The following CRMP1 variants were observed in gnomAD, a reference collection of about 807,000 sequenced individuals.
CRMP1 encodes the protein collapsin response mediator protein 1.
A neutral mutation model predicts 68.3 loss-of-function variants in CRMP1; 19 were observed. The ratio of observed to expected loss-of-function variants is 0.28; its 90% CI spans 0.19 to 0.41. The LOEUF is 0.41. Ranked by LOEUF, CRMP1 falls within the 10% of genes least tolerant of loss-of-function variation. The pLI, the probability that CRMP1 is intolerant of heterozygous loss-of-function variation, is 1.00. For synonymous variants in CRMP1, 439 were observed against 399.6 expected (o/e 1.10, Z -1.18); for missense variants, 791 against 967.4 (o/e 0.82, Z 2.42).
At position 5,892,103 on chromosome 4, in the gene CRMP1, C is replaced by T. The variant is rs1016337306; in HGVS notation, c.381+486G>A. On this transcript the variant is annotated intron_variant, in intron 1 of 13. Transcript: ENST00000324989. The surrounding 1 kb of genome is among the most constrained non-coding windows in gnomAD (Gnocchi z 8.6). Reference sequence around the variant, plus strand: ...TCCTTCCAGCTTTAAGCTGTGTGGCCGCAGGCGACTCGCGGAACCTCTCCC... The same window carrying T: ...TCCTTCCAGCTTTAAGCTGTGTGGCTGCAGGCGACTCGCGGAACCTCTCCC... Among the ~76,000 whole-genome samples, 5 of 152,208 alleles carry T rather than the reference C, an allele frequency of 3.3e-5. No homozygotes were observed. The highest frequency in any genetic ancestry group is 7.2e-5 in the African/African-American group (3 of 41,456).
In CRMP1 at chr4:5,892,861, C is replaced by T. The variant is rs1187677059; in HGVS notation, c.109G>A (p.Ala37Thr). Residue 37 changes from alanine to threonine, a missense_variant, in exon 1 of 14, where the codon GCC becomes ACC. Physicochemically the swap from Ala to Thr is moderately conservative, Grantham distance 58. Coordinates refer to ENST00000324989, the MANE Select transcript of CRMP1 (RefSeq NM_001014809.3). This position sits in a 1 kb window ranked among gnomAD's most constrained non-coding sequence, Gnocchi z 8.6. Reference sequence around the variant, plus strand: ...TTCTCGTAGGCGCCCTCCACCGCGGCGAACATGCCGCCGTACTTCTGGCGC... The same window carrying T: ...TTCTCGTAGGCGCCCTCCACCGCGGTGAACATGCCGCCGTACTTCTGGCGC... ...TPRQKYGGMF[A>T]AVEGAYENKT... is the part of the protein sequence containing the mutation. 7.1e-6 allele frequency: 10 copies of T among 1,416,412 alleles called. No homozygotes were observed. Among genetic ancestry groups the T allele is most frequent in the Non-Finnish European group, 7.4e-6 (8 of 1,074,278 alleles). The allele number at this position is 1,416,412 out of a possible 1,614,324, so 87.7% of individuals were successfully genotyped here.
Position 5,892,791 on chromosome 4 carries a change from G to T in CRMP1, c.179C>A (p.Ser60Ter). 7.6e-7 allele frequency: 1 copy of T among 1,320,332 alleles called. No homozygotes were observed. The allele number at this position is 1,320,332 out of a possible 1,614,324, so 81.8% of individuals were successfully genotyped here. The part of the protein sequence containing the change: ...FDAYSVGRRG[S>*]ARTPRSAGRP... Reference sequence around the variant, plus strand: ...GCCAGCGCTGCGCGGCGTGCGCGCCGAGCCGCGGCGGCCCACACTGTAGGC... The same window carrying T: ...GCCAGCGCTGCGCGGCGTGCGCGCCTAGCCGCGGCGGCCCACACTGTAGGC... The change falls in exon 1 of 14, where the codon TCG becomes TAG. Residue 60 changes from serine to a stop codon, truncating the protein, a stop_gained. Coordinates refer to ENST00000324989, the MANE Select transcript of CRMP1 (RefSeq NM_001014809.3). LOFTEE classifies it high-confidence loss of function. The surrounding 1 kb of genome is among the most constrained non-coding windows in gnomAD (Gnocchi z 8.6).
intron 6 of CRMP1, among the ~76,000 whole-genome samples, chr4:5,846,757 A>ATTTTT (rs71171490): frequency 7.4e-5 from 4 of 53,742 alleles, no homozygotes; most frequent in African/African-American, 4.4e-4. Context: ...TGCCCGGCTA[A>ATTTTT]TTTTTTTTTT....
At chr4:5,871,426 T>C (rs563392411) in intron 1 of CRMP1, among the ~76,000 whole-genome samples, 3 of 152,092 alleles carry the variant, frequency 2.0e-5, no homozygotes, top group South Asian at 2.1e-4. Context: ...TTTGGGAGGC[T>C]GAGGTGGGCG....
Position 5,879,889 on chromosome 4 carries a change from G to C in CRMP1, c.381+12700C>G, listed in dbSNP as rs901455650. 6.6e-6 allele frequency among the ~76,000 whole-genome samples: 1 copy of C among 152,020 alleles called. No individual in the cohort carries two copies. The highest frequency in any genetic ancestry group is 1.5e-5 in the Non-Finnish European group (1 of 67,998). On this transcript the variant is annotated intron_variant, in intron 1 of 13. Coordinates refer to ENST00000324989, the MANE Select transcript of CRMP1 (RefSeq NM_001014809.3). This position sits in a 1 kb window ranked among gnomAD's most constrained non-coding sequence, Gnocchi z 4.2. ...AAATGAGACGAAAGGAAAGGAAAATGAAAGAAAGTAAAGGAAAACCTAACA... is the reference window on the plus strand; with the variant it reads ...AAATGAGACGAAAGGAAAGGAAAATCAAAGAAAGTAAAGGAAAACCTAACA...
At chr4:5,875,398 G>GAA (rs10561614) in intron 1 of CRMP1, among the ~76,000 whole-genome samples, 6 of 137,578 alleles carry the variant, frequency 4.4e-5, no homozygotes, top group Non-Finnish European at 4.7e-5. Flanking sequence ...CTAGATTTTA[G>GAA]AAAAAAAAAA....
At chr4:5,884,948 G>A (rs143175803) in intron 1 of CRMP1, among the ~76,000 whole-genome samples, 23 of 148,548 alleles carry the variant, frequency 1.5e-4, no homozygotes, top group African/African-American at 5.0e-4. Context: ...ACAAGAAGCC[G>A]CTTCAGCTAA....
rs563215359 is a variant in CRMP1, at chr4:5,890,624, G to T, written c.381+1965C>A. Among the ~76,000 whole-genome samples, 24 of 152,234 alleles carry T rather than the reference G, an allele frequency of 1.6e-4. No homozygotes were observed. Among genetic ancestry groups the T allele is most frequent in the Non-Finnish European group, 3.4e-4 (23 of 68,038 alleles). On this transcript the variant is annotated intron_variant, in intron 1 of 13. Coordinates refer to ENST00000324989, the MANE Select transcript of CRMP1 (RefSeq NM_001014809.3). This position sits in a 1 kb window ranked among gnomAD's most constrained non-coding sequence, Gnocchi z 5.5. ...TCGGAGCCCCGGGAGCGCCAGAGGC[G>T]CTGCCTTTTGTCCGGTGCCTGAGAA...
chr4:5,837,072 G>A (rs1720774838), intron 9 of CRMP1, among the ~76,000 whole-genome samples, 166 bp from the exon 10 acceptor site: 1 of 152,172 alleles, frequency 6.6e-6, no homozygotes, highest in South Asian at 2.1e-4. Context: ...CACAAGTCAG[G>A]GATGCCCCAT....
Position 5,890,999 on chromosome 4 carries a change from C to T in CRMP1, c.381+1590G>A, listed in dbSNP as rs967975183. 1.3e-5 allele frequency among the ~76,000 whole-genome samples: 2 copies of T among 152,042 alleles called. No homozygotes were observed. Among genetic ancestry groups the T allele is most frequent in the East Asian group, 1.9e-4 (1 of 5,144 alleles). ...AACCCGGATTCCCTGGTGCTGGTCC[C>T]GCTTCTCGGCCCGCGGCCCAGAAGC... On this transcript the variant is annotated intron_variant, in intron 1 of 13. Coordinates refer to ENST00000324989, the MANE Select transcript of CRMP1 (RefSeq NM_001014809.3). This position sits in a 1 kb window ranked among gnomAD's most constrained non-coding sequence, Gnocchi z 5.5.
intron 1 of CRMP1, among the ~76,000 whole-genome samples, chr4:5,868,593 G>A (rs980737561): frequency 1.3e-5 from 2 of 151,896 alleles, no homozygotes; most frequent in Non-Finnish European, 2.9e-5. Context: ...GAGCCACCGC[G>A]CCTGGCCTCA....
In CRMP1 at chr4:5,892,801, G is replaced by A. The variant is rs866222252; in HGVS notation, c.169C>T (p.Arg57Cys). ...TIDFDAYSVG[R>C]RGSARTPRSA... ...CGCGGCGTGCGCGCCGAGCCGCGGC[G>A]GCCCACACTGTAGGCGTCGAAGTCG... The change falls in exon 1 of 14, where the codon CGC (arginine) becomes TGC (cysteine). Residue 57 changes from arginine to cysteine, a missense_variant. Around this residue, in one of 3 missense-constraint regions of CRMP1, gnomAD observed 193 missense variants for 186.3 expected, o/e 1.04. Transcript: ENST00000324989. The surrounding 1 kb of genome is among the most constrained non-coding windows in gnomAD (Gnocchi z 8.6). 3.7e-6 allele frequency: 5 copies of A among 1,366,158 alleles called. No individual in the cohort carries two copies. Among genetic ancestry groups the A allele is most frequent in the Non-Finnish European group, 4.8e-6 (5 of 1,049,062 alleles). 84.6% of individuals were successfully genotyped at this position (1,366,158 alleles called of 1,614,324 possible).
chr4:5,828,797 C>G, intron 11 of CRMP1, 129 bp from the exon 12 acceptor site: 1 of 1,118,394 alleles, frequency 8.9e-7, no homozygotes, highest in Non-Finnish European at 1.2e-6. Flanking sequence ...CTAAAAATAC[C>G]TTTTATTGAC....
rs1409348939 is a variant in CRMP1, at chr4:5,877,290, T to C, written c.382-10534A>G. Among the ~76,000 whole-genome samples, 2 of 152,236 alleles carry C rather than the reference T, an allele frequency of 1.3e-5. No homozygotes were observed. Among genetic ancestry groups the C allele is most frequent in the Non-Finnish European group, 2.9e-5 (2 of 68,046 alleles). On this transcript the variant is annotated intron_variant, in intron 1 of 13. Coordinates refer to ENST00000324989, the MANE Select transcript of CRMP1 (RefSeq NM_001014809.3). This position sits in a 1 kb window ranked among gnomAD's most constrained non-coding sequence, Gnocchi z 4.3. The stretch of plus-strand genomic sequence containing the variant: ...TAGAGGGGGTGTTTGTTAGGCAGCA[T>C]CATCGCATCAAAGCAAATTAATACA...
At position 5,866,113 on chromosome 4, in the gene CRMP1, C is replaced by G. The variant is rs1713979945; in HGVS notation, c.470+555G>C. 6.6e-6 allele frequency among the ~76,000 whole-genome samples: 1 copy of G among 152,190 alleles called. No homozygotes were observed. The highest frequency in any genetic ancestry group is 2.4e-5 in the African/African-American group (1 of 41,452). On this transcript the variant is annotated intron_variant, in intron 2 of 13. Transcript: ENST00000324989. The surrounding 1 kb of genome is among the most constrained non-coding windows in gnomAD (Gnocchi z 5.9). ...GCTAAGACACCTGGGTTGTCATAAGCAGGGCTGAAGAGGGAGCCAATGAGA... is the reference window on the plus strand; with the variant it reads ...GCTAAGACACCTGGGTTGTCATAAGGAGGGCTGAAGAGGGAGCCAATGAGA...
chr4:5,841,336 G>T lies in CRMP1; in HGVS notation c.1125C>A (p.Ala375=), dbSNP rs138373028. The part of the protein sequence containing the change: ...YITKVMSKSA[A]DIIALARKKG... Reference sequence around the variant, plus strand: ...TCTTCCTGGCCAGAGCGATGATGTCGGCTGCACTCTTGCTCATGACCTTGG... The same window carrying T: ...TCTTCCTGGCCAGAGCGATGATGTCTGCTGCACTCTTGCTCATGACCTTGG... The change falls in exon 8 of 14, where the codon GCC becomes GCA. Residue 375 remains alanine (A), a synonymous_variant. Coordinates refer to ENST00000324989, the MANE Select transcript of CRMP1 (RefSeq NM_001014809.3). The surrounding 1 kb of genome is among the most constrained non-coding windows in gnomAD (Gnocchi z 6.9). The T allele has an allele frequency of 6.2e-7, 1 of 1,613,948 alleles. No homozygotes were observed. Among genetic ancestry groups the T allele is most frequent in the Non-Finnish European group, 8.5e-7 (1 of 1,180,016 alleles).
intron 2 of CRMP1, among the ~76,000 whole-genome samples, chr4:5,863,243 C>G (rs1361937602): frequency 6.6e-6 from 1 of 151,562 alleles, no homozygotes; most frequent in Non-Finnish European, 1.5e-5. Flanking sequence ...CAGGCACAAT[C>G]ATAGCCTCTT....
At position 5,836,745 on chromosome 4, in the gene CRMP1, G is replaced by A. The variant is rs756157482; in HGVS notation, c.1452+20C>T. The stretch of plus-strand genomic sequence containing the variant: ...GGTAGAGTGTTTCTAGAATGCTCCT[G>A]AGAAGAGATCCAGCCTTACCACCGC... On this transcript the variant is annotated intron_variant, in intron 10 of 13. Transcript: ENST00000324989. The A allele has an allele frequency of 1.2e-6, 2 of 1,613,908 alleles. No homozygotes were observed. The highest frequency in any genetic ancestry group is 2.7e-5 in the African/African-American group (2 of 74,918).
chr4:5,856,273 T>C lies in CRMP1; in HGVS notation c.690A>G (p.Leu230=). The part of the protein sequence containing the change: ...DHVVPEPGSS[L]LTSFEKWHEA... ...CGTGCCACTTCTCGAAAGAGGTCAG[T>C]AGGCTGGACCCAGGTTCAGGAACAA... is the stretch of plus-strand genomic sequence containing the variant. Residue 230 remains leucine, a synonymous_variant, in exon 4 of 14, where the codon CTA becomes CTG. Coordinates refer to ENST00000324989, the MANE Select transcript of CRMP1 (RefSeq NM_001014809.3). The C allele has an allele frequency of 1.2e-6, 2 of 1,613,780 alleles. No homozygotes were observed. Among genetic ancestry groups the C allele is most frequent in the African/African-American group, 1.3e-5 (1 of 74,964 alleles).
Sources: allele counts gnomAD v4.1 joint callset (sites outside exome capture counted in the v4.1 genomes callset), GRCh38; gene constraint gnomAD v4.1.1; regional missense constraint gnomAD v4.1.1; non-coding constraint Gnocchi (gnomAD v3.1); transcripts MANE v1.5; gene names NCBI Gene and HGNC (gene_info 2026-07-23, HGNC 2026-07-21).